Variants in PDE6B observed in about 807,000 individuals in gnomAD.
The protein encoded by PDE6B is rod cGMP-specific 3',5'-cyclic phosphodiesterase subunit beta.
A neutral mutation model predicts 109.0 loss-of-function variants in PDE6B; 106 were observed. That is an observed-to-expected ratio of 0.97 (90% CI 0.83 to 1.14). The LOEUF is 1.14. PDE6B is among the 50% of genes most tolerant of loss of function. The probability of loss-of-function intolerance (pLI) is 0.00; values close to 1 mark genes in which losing one functional copy is unlikely to be tolerated. For missense variants in PDE6B, 1,193 were observed against 1,155.6 expected (o/e 1.03, Z -0.47); for synonymous variants, 490 against 471.3 (o/e 1.04, Z -0.51).
At chr4:657,093 G>C in intron 9 of PDE6B, 70 bp downstream of exon 9, 1 of 1,470,566 alleles carries the variant, frequency 6.8e-7, no homozygotes, top group Non-Finnish European at 9.5e-7. Context: ...CGGTGTGGGG[G>C]CCTCCCCGCC....
rs578043941 is a variant in PDE6B at position 663,457 on chromosome 4, C to A, written c.1920+270C>A. Among the ~76,000 whole-genome samples, 3 of 152,314 alleles carry A rather than the reference C, an allele frequency of 2.0e-5. No homozygotes were observed. The East Asian group carries it at 5.8e-4, about 30-fold the overall frequency. Reference sequence around the variant, plus strand: ...GAAGGGGAAGCGGCCCGGGACCCACCAGCGGGGGAATGAAGGGCAGCCGAG... The same window carrying A: ...GAAGGGGAAGCGGCCCGGGACCCACAAGCGGGGGAATGAAGGGCAGCCGAG... On this transcript the variant is annotated intron_variant, in intron 15 of 21. Transcript: ENST00000496514. The surrounding 1 kb of genome is among the most constrained non-coding windows in gnomAD (Gnocchi z 4.0).
intron 3 of PDE6B, among the ~76,000 whole-genome samples, chr4:649,190 G>A (rs771053604): frequency 5.3e-5 from 8 of 152,300 alleles, no homozygotes; most frequent in South Asian, 4.1e-4. Flanking sequence ...GGTGTCTGTC[G>A]CCTTTCCTTT....
intron 9 of PDE6B, 151 bp downstream of exon 9, chr4:657,174 G>A: frequency 8.9e-7 from 1 of 1,120,840 alleles, no homozygotes; most frequent in Non-Finnish European, 1.3e-6. Flanking sequence ...ACGACAAAGG[G>A]CCCCCCCGGG....
Position 662,202 on chromosome 4 carries a change from C to T in PDE6B, c.1683C>T (p.His561=), listed in dbSNP as rs771128058. ...GAATCACCTACCACAACTGGCGCCA[C>T]GGCTTCAACGTGGCCCAGACGATGT... is the stretch of plus-strand genomic sequence containing the variant. ...YRRITYHNWR[H]GFNVAQTMFT... Residue 561 remains histidine (H), a synonymous_variant, in exon 13 of 22, where the codon CAC becomes CAT. Coordinates refer to ENST00000496514, the MANE Select transcript of PDE6B (RefSeq NM_000283.4). The surrounding 1 kb of genome is among the most constrained non-coding windows in gnomAD (Gnocchi z 4.3). 9.5e-6 allele frequency: 15 copies of T among 1,578,458 alleles called. No individual in the cohort carries two copies. The highest frequency in any genetic ancestry group is 1.7e-4 in the Middle Eastern group (1 of 6,024).
intron 8 of PDE6B, 74 bp downstream of exon 8, chr4:656,366 G>A (rs1172535942): frequency 8.6e-6 from 9 of 1,051,096 alleles, no homozygotes; most frequent in African/African-American, 3.1e-5. Context: ...ATGATGAAGT[G>A]AATTCGTTTT....
rs1294360668 is a variant in PDE6B, at chr4:662,386, A to G, written c.1723-123A>G. ...CGCCCTCTGACACCGTGCACCGCGC[A>G]CCCCAGCCCTGCGGTGGTCGGAGGT... On this transcript the variant is annotated intron_variant, in intron 13 of 21. Coordinates refer to ENST00000496514, the MANE Select transcript of PDE6B (RefSeq NM_000283.4). This position sits in a 1 kb window ranked among gnomAD's most constrained non-coding sequence, Gnocchi z 4.3. 2 of 828,856 alleles carry G rather than the reference A, an allele frequency of 2.4e-6. No homozygotes were observed. The highest frequency in any genetic ancestry group is 3.4e-5 in the African/African-American group (2 of 59,358). 51.3% of individuals were successfully genotyped at this position (828,856 alleles called of 1,614,324 possible). A position where few individuals can be genotyped will look rare whatever the true frequency, so the allele number is the denominator to read the frequency against.
intron 8 of PDE6B, 135 bp from the exon 9 acceptor site, chr4:656,739 A>G: frequency 1.3e-6 from 1 of 745,206 alleles, no homozygotes; most frequent in Non-Finnish European, 2.3e-6. Context: ...GAGGGAATGC[A>G]GAGAGCAGAG....
chr4:663,575 C>T lies in PDE6B; in HGVS notation c.1921-195C>T. 3.2e-6 allele frequency: 2 copies of T among 626,984 alleles called. No homozygotes were observed. The highest frequency in any genetic ancestry group is 2.9e-6 in the Non-Finnish European group (1 of 350,204). The allele number at this position is 626,984 out of a possible 1,614,324, so 38.8% of individuals were successfully genotyped here. On this transcript the variant is annotated intron_variant, in intron 15 of 21. Transcript: ENST00000496514. This position sits in a 1 kb window ranked among gnomAD's most constrained non-coding sequence, Gnocchi z 4.0. ...TGAGGCCATCTGCGTCCCAAGCCGA[C>T]GATGGAGCCGCTGGTGGAGAGCTGG...
At chr4:664,720 G>A (rs1408426961) in intron 17 of PDE6B, among the ~76,000 whole-genome samples, 161 bp from the exon 18 acceptor site, 2 of 150,788 alleles carry the variant, frequency 1.3e-5, no homozygotes, top group Non-Finnish European at 3.0e-5. Flanking sequence ...GGAGGCTGAG[G>A]CACAAGAATC....
intron 6 of PDE6B, chr4:655,281 T>G (rs1185285683): frequency 3.2e-6 from 1 of 315,786 alleles, no homozygotes; most frequent in Non-Finnish European, 6.1e-6. Flanking sequence ...AGGCCGAGTC[T>G]TGGCCCCGTG....
In PDE6B at chr4:662,997, T is replaced by C. The variant is rs1737290536; in HGVS notation, c.1833-103T>C. 2.6e-6 allele frequency: 2 copies of C among 761,444 alleles called. No individual in the cohort carries two copies. Among genetic ancestry groups the C allele is most frequent in the African/African-American group, 3.4e-5 (2 of 58,292 alleles). The allele number at this position is 761,444 out of a possible 1,614,324, so 47.2% of individuals were successfully genotyped here. A position where few individuals can be genotyped will look rare whatever the true frequency, so the allele number is the denominator to read the frequency against. The stretch of plus-strand genomic sequence containing the variant: ...CAGAGTGGGTGACAGAGGCAGACCC[T>C]GTCTCAAAAAAAAGAAAGTGGGGCC... On this transcript the variant is annotated intron_variant, in intron 14 of 21. Transcript: ENST00000496514. This position sits in a 1 kb window ranked among gnomAD's most constrained non-coding sequence, Gnocchi z 4.3.
chr4:657,674 G>A (rs1258510367), intron 10 of PDE6B, among the ~76,000 whole-genome samples, 180 bp downstream of exon 10: 1 of 133,152 alleles, frequency 7.5e-6, no homozygotes, highest in African/African-American at 2.8e-5. Context: ...CAGGGGTCAC[G>A]GCTGTGCGGT....
In PDE6B at chr4:663,322, G is replaced by A. The variant is rs913800400; in HGVS notation, c.1920+135G>A. 4.3e-5 allele frequency: 30 copies of A among 690,198 alleles called. No homozygotes were observed. Among genetic ancestry groups the A allele is most frequent in the Middle Eastern group, 2.9e-4 (1 of 3,400 alleles). 42.8% of individuals were successfully genotyped at this position (690,198 alleles called of 1,614,324 possible). ...GGGTGTGTGAGCACTGGGGGAGGGC[G>A]GCAGAGAAGGCGGAGGGCCGAGGCT... On this transcript the variant is annotated intron_variant, in intron 15 of 21. Coordinates refer to ENST00000496514, the MANE Select transcript of PDE6B (RefSeq NM_000283.4). This position sits in a 1 kb window ranked among gnomAD's most constrained non-coding sequence, Gnocchi z 4.0.
At position 656,354 on chromosome 4, in the gene PDE6B, C is replaced by T. The variant is rs939980293; in HGVS notation, c.1107+62C>T. The T allele has an allele frequency of 1.2e-5, 13 of 1,112,560 alleles. No individual in the cohort carries two copies. In the East Asian group the frequency reaches 1.9e-4, roughly 16 times the overall value. 68.9% of individuals were successfully genotyped at this position (1,112,560 alleles called of 1,614,324 possible). A position where few individuals can be genotyped will look rare whatever the true frequency, so the allele number is the denominator to read the frequency against. ...TACAAAAGAGGAGATTTTGATTCAG[C>T]GATGATGAAGTGAATTCGTTTTTGC... On this transcript the variant is annotated intron_variant, in intron 8 of 21. Coordinates refer to ENST00000496514, the MANE Select transcript of PDE6B (RefSeq NM_000283.4).
intron 3 of PDE6B, among the ~76,000 whole-genome samples, chr4:645,940 C>T (rs1735181225): frequency 6.6e-6 from 1 of 152,046 alleles, no homozygotes; most frequent in African/African-American, 2.4e-5. Context: ...AAATTTCTGC[C>T]ATTTATTTTA....
Position 633,044 on chromosome 4 carries a change from A to C in PDE6B, c.469-1633A>C, listed in dbSNP as rs1333049272. On this transcript the variant is annotated intron_variant, in intron 1 of 21. Transcript: ENST00000496514. This position sits in a 1 kb window ranked among gnomAD's most constrained non-coding sequence, Gnocchi z 4.5. The stretch of plus-strand genomic sequence containing the variant: ...GAGCACACATGGTGGCCACTGTAGC[A>C]CTGACGGCTGGTGGAGGAGACACTG... Among the ~76,000 whole-genome samples, 1 of 152,132 alleles carries C rather than the reference A, an allele frequency of 6.6e-6. No individual in the cohort carries two copies. Among genetic ancestry groups the C allele is most frequent in the Non-Finnish European group, 1.5e-5 (1 of 68,002 alleles).
chr4:654,156 T>C lies in PDE6B; in HGVS notation c.927+2T>C, dbSNP rs765556789. ...GGCCCACGCACGCCTGATGGCCGGGTGAGTCTTAGGGGAGGGGCCCAGGGC... is the reference window on the plus strand; with the variant it reads ...GGCCCACGCACGCCTGATGGCCGGGCGAGTCTTAGGGGAGGGGCCCAGGGC... On this transcript the variant is annotated splice_donor_variant, in intron 5 of 21. Coordinates refer to ENST00000496514, the MANE Select transcript of PDE6B (RefSeq NM_000283.4). LOFTEE classifies it high-confidence loss of function. The C allele has an allele frequency of 1.9e-6, 3 of 1,612,690 alleles. No individual in the cohort carries two copies. In the African/African-American group the frequency reaches 4.0e-5, roughly 22 times the overall value.
In PDE6B at chr4:665,209, G is replaced by T. The variant is rs374815933; in HGVS notation, c.2194-46G>T. 3 of 1,447,956 alleles carry T rather than the reference G, an allele frequency of 2.1e-6. No individual in the cohort carries two copies. The highest frequency in any genetic ancestry group is 1.4e-5 in the African/African-American group (1 of 71,654). The allele number at this position is 1,447,956 out of a possible 1,614,324, so 89.7% of individuals were successfully genotyped here. ...TCACGGGGCGGGCCCGGGCCCTTCC[G>T]CGTGGGCTCAGAGCTCCACAGACAG... On this transcript the variant is annotated intron_variant, in intron 18 of 21. Transcript: ENST00000496514. This position sits in a 1 kb window ranked among gnomAD's most constrained non-coding sequence, Gnocchi z 4.0.
chr4:644,225 C>A (rs933294099), intron 3 of PDE6B, among the ~76,000 whole-genome samples: 1 of 151,746 alleles, frequency 6.6e-6, no homozygotes, highest in East Asian at 1.9e-4. Context: ...AGTTCAAAAT[C>A]TTTTAAAAGG....
Sources: gnomAD v4.1 joint callset for allele counts (sites outside exome capture counted in the v4.1 genomes callset) on GRCh38, gnomAD v4.1.1 for gene constraint, Gnocchi (gnomAD v3.1) non-coding constraint, MANE v1.5 for transcripts, NCBI Gene and HGNC (gene_info 2026-07-23, HGNC 2026-07-21) for gene names.